The following OR2T12 variants were observed in gnomAD, a reference collection of about 807,000 sequenced individuals.
OR2T12 encodes the protein olfactory receptor family 2 subfamily T member 12, also known as olfactory receptor 2T12.
For missense variants in OR2T12, 335 were observed against 404.3 expected (o/e 0.83, Z 1.47); for synonymous variants, 127 against 160.5 (o/e 0.79, Z 1.58).
At chr1:248,298,357 T>G (rs1224641458) in intron 2 of OR2T12, among the ~76,000 whole-genome samples, 1 of 152,182 alleles carries the variant, frequency 6.6e-6, no homozygotes, top group Admixed American at 6.5e-5. Flanking sequence ...AGGATGATGC[T>G]GGCCTCATAA....
intron 2 of OR2T12, among the ~76,000 whole-genome samples, chr1:248,299,362 C>T (rs1182806396): frequency 6.6e-6 from 1 of 151,116 alleles, no homozygotes; most frequent in Non-Finnish European, 1.5e-5. Context: ...AAATGGAAAA[C>T]AAAAAAAGGC....
At position 248,293,065 on chromosome 1, in the gene OR2T12, CTT is replaced by C. The variant is rs1659655309; in HGVS notation, c.*1549_*1550del. 6.6e-6 allele frequency: 1 copy of C among 152,092 alleles called. No individual in the cohort carries two copies. 9.4% of individuals were successfully genotyped at this position (152,092 alleles called of 1,614,324 possible). A position where few individuals can be genotyped will look rare whatever the true frequency, so the allele number is the denominator to read the frequency against. On this transcript the variant is annotated 3_prime_UTR_variant, in exon 3 of 3. Coordinates refer to ENST00000641276, the MANE Select transcript of OR2T12 (RefSeq NM_001004692.2). Reference sequence around the variant, plus strand: ...GATTAATTAACAAGAGTAGGAAACTCTTAGTCTTAAACAGATGACACTCTCTC... The same window carrying C: ...GATTAATTAACAAGAGTAGGAAACTCAGTCTTAAACAGATGACACTCTCTC...
chr1:248,299,001 C>T (rs1479767917), intron 2 of OR2T12, among the ~76,000 whole-genome samples: 2 of 151,104 alleles, frequency 1.3e-5, no homozygotes, highest in African/African-American at 4.8e-5. Flanking sequence ...ATTTTGTCAC[C>T]ACCAGGCCTG....
At chr1:248,297,462 G>A (rs113234075) in intron 2 of OR2T12, among the ~76,000 whole-genome samples, 1 of 151,536 alleles carries the variant, frequency 6.6e-6, no homozygotes, top group Admixed American at 6.6e-5. Context: ...CCATTTTCAC[G>A]ATATTGATTC....
Position 248,290,979 on chromosome 1 carries a change from T to C in OR2T12, c.*3637A>G, listed in dbSNP as rs1236907162. The C allele has an allele frequency of 6.7e-6, 1 of 149,310 alleles. No homozygotes were observed. The highest frequency in any genetic ancestry group is 2.0e-4 in the East Asian group (1 of 5,078). 9.2% of individuals were successfully genotyped at this position (149,310 alleles called of 1,614,324 possible). A position where few individuals can be genotyped will look rare whatever the true frequency, so the allele number is the denominator to read the frequency against. ...TTCGTTTGAGAAATGTCTGTTCATA[T>C]ACTTTGCCCACTTTTTGATGGGGTT... On this transcript the variant is annotated 3_prime_UTR_variant, in exon 3 of 3. Coordinates refer to ENST00000641276, the MANE Select transcript of OR2T12 (RefSeq NM_001004692.2).
rs1170368807 is a variant in OR2T12 at position 248,293,738 on chromosome 1, A to G, written c.*878T>C. The G allele has an allele frequency of 6.6e-6, 1 of 152,160 alleles. No individual in the cohort carries two copies. Among genetic ancestry groups the G allele is most frequent in the Non-Finnish European group, 1.5e-5 (1 of 68,006 alleles). 9.4% of individuals were successfully genotyped at this position (152,160 alleles called of 1,614,324 possible). On this transcript the variant is annotated 3_prime_UTR_variant, in exon 3 of 3. Transcript: ENST00000641276. ...ATCATGCAATTCAGAGTTCATATCG[A>G]TGGAGGTATGTCAATAAGTCAAGGT... is the stretch of plus-strand genomic sequence containing the variant.
chr1:248,295,497 T>C lies in OR2T12; in HGVS notation c.82A>G (p.Met28Val), dbSNP rs1368715044. ...GAGGTCAAAACGGTGGCCAGAAGCA[T>C]CATGAAGAGGACTTGGTGGGCTCTG... ...HTRAHQVLFM[M>V]LLATVLTSLF... is the part of the protein sequence containing the mutation. Residue 28 changes from methionine to valine, a missense_variant, in exon 3 of 3, where the codon ATG becomes GTG. Met to Val is a conservative substitution (Grantham distance 21). Transcript: ENST00000641276. The C allele has an allele frequency of 6.2e-7, 1 of 1,613,016 alleles. No individual in the cohort carries two copies. Among genetic ancestry groups the C allele is most frequent in the Non-Finnish European group, 8.5e-7 (1 of 1,179,718 alleles).
intron 2 of OR2T12, among the ~76,000 whole-genome samples, chr1:248,295,901 T>C (rs896609959): frequency 1.3e-4 from 20 of 152,176 alleles, no homozygotes; most frequent in African/African-American, 4.3e-4. Context: ...ATGTGCACAA[T>C]GTGCAGGTTA....
chr1:248,296,363 T>C (rs1378560875), intron 2 of OR2T12, among the ~76,000 whole-genome samples: 1 of 152,230 alleles, frequency 6.6e-6, no homozygotes. Context: ...CCTTTGGGTA[T>C]ATACCCAGTA....
rs1284727742 is a variant in OR2T12, at chr1:248,294,171, T to C, written c.*445A>G. 6.3e-6 allele frequency: 1 copy of C among 159,524 alleles called. No individual in the cohort carries two copies. Among genetic ancestry groups the C allele is most frequent in the Non-Finnish European group, 1.4e-5 (1 of 72,140 alleles). The allele number at this position is 159,524 out of a possible 1,614,324, so 9.9% of individuals were successfully genotyped here. ...TTGGAGTCACTTTTTAATATTTCTG[T>C]TCTATGTGAAATTAGGAACCATATT... On this transcript the variant is annotated 3_prime_UTR_variant, in exon 3 of 3. Transcript: ENST00000641276.
At chr1:248,299,652 C>G (rs2103039509) in intron 2 of OR2T12, among the ~76,000 whole-genome samples, 1 of 152,204 alleles carries the variant, frequency 6.6e-6, no homozygotes, top group African/African-American at 2.4e-5. Context: ...CAAGGATACC[C>G]AGGAATTGAA....
intron 1 of OR2T12, 119 bp downstream of exon 1, chr1:248,303,227 T>C (rs1398501782): frequency 2.0e-5 from 3 of 152,160 alleles, no homozygotes; most frequent in Admixed American, 6.5e-5. Flanking sequence ...TAAAATAGAA[T>C]AAAATTCATA....
At chr1:248,298,303 T>G (rs1659764825) in intron 2 of OR2T12, among the ~76,000 whole-genome samples, 1 of 152,182 alleles carries the variant, frequency 6.6e-6, no homozygotes, top group African/African-American at 2.4e-5. Context: ...GGTATTGGTC[T>G]AAAATTCTCT....
At chr1:248,300,189 G>C (rs1488462918) in intron 2 of OR2T12, among the ~76,000 whole-genome samples, 1 of 152,126 alleles carries the variant, frequency 6.6e-6, no homozygotes. Flanking sequence ...CAAACAGATA[G>C]TTCCTATAAC....
At position 248,295,943 on chromosome 1, in the gene OR2T12, C is replaced by T. The variant is rs555935552; in HGVS notation, c.-8-357G>A. Among the ~76,000 whole-genome samples the T allele has an allele frequency of 1.4e-4, 22 of 151,844 alleles. No individual in the cohort carries two copies. The East Asian group carries it at 3.1e-3, about 21-fold the overall frequency. On this transcript the variant is annotated intron_variant, in intron 2 of 2. Transcript: ENST00000641276. ...TATGTATACATGTGACATGCTGGTG[C>T]GCTGCACCCACTAACTCCTCATCTA... is the stretch of plus-strand genomic sequence containing the variant.
intron 2 of OR2T12, among the ~76,000 whole-genome samples, chr1:248,296,566 A>G (rs1339705389): frequency 2.0e-5 from 3 of 152,166 alleles, no homozygotes; most frequent in Non-Finnish European, 4.4e-5. Flanking sequence ...GTGAGATGAT[A>G]TCTCATTGTG....
chr1:248,302,063 C>A (rs556656083), intron 1 of OR2T12, among the ~76,000 whole-genome samples: 1 of 151,578 alleles, frequency 6.6e-6, no homozygotes, highest in African/African-American at 2.4e-5. Flanking sequence ...AGAAGTGAAG[C>A]CTTATGTGAA....
chr1:248,301,571 A>G lies in OR2T12; in HGVS notation c.-189-18T>C, dbSNP rs763447697. ...ACTCTTCACTGCCAAAAAAAGCAGA[A>G]CATTTTGAGTTTCAATACTGTACTA... On this transcript the variant is annotated intron_variant, in intron 1 of 2. Transcript: ENST00000641276. The G allele has an allele frequency of 4.6e-5, 7 of 152,108 alleles. No homozygotes were observed. The highest frequency in any genetic ancestry group is 5.9e-5 in the Non-Finnish European group (4 of 67,956). The allele number at this position is 152,108 out of a possible 1,614,324, so 9.4% of individuals were successfully genotyped here.
chr1:248,296,590 T>G (rs1659732098), intron 2 of OR2T12, among the ~76,000 whole-genome samples: 1 of 148,980 alleles, frequency 6.7e-6, no homozygotes, highest in Admixed American at 6.7e-5. Flanking sequence ...TTGATTTGCA[T>G]TTCTCTGATG....
Sources: allele counts gnomAD v4.1 joint callset (sites outside exome capture counted in the v4.1 genomes callset), GRCh38; gene constraint gnomAD v4.1.1; transcripts MANE v1.5; gene names NCBI Gene and HGNC (gene_info 2026-07-23, HGNC 2026-07-21).